DYNC1LI2: variants seen among roughly 807,000 people sequenced by gnomAD.
DYNC1LI2 encodes dynein cytoplasmic 1 light intermediate chain 2, also known as cytoplasmic dynein 1 light intermediate chain 2.
DYNC1LI2 carries 19 observed loss-of-function variants against 57.8 expected under a neutral mutation model. The observed-to-expected ratio is 0.33, with a 90% confidence interval of 0.23 to 0.48. The LOEUF (loss-of-function observed/expected upper bound fraction) is 0.48. Among genes scored for constraint, DYNC1LI2 ranks in the 20% least tolerant of loss-of-function variants. DYNC1LI2 has a pLI of 0.99. For missense variants in DYNC1LI2, 470 were observed against 604.2 expected (o/e 0.78, Z 2.33); for synonymous variants, 256 against 233.4 (o/e 1.10, Z -0.88).
chr16:66,734,219 C>G lies in DYNC1LI2; in HGVS notation c.792G>C (p.Gln264His). 6.2e-7 allele frequency: 1 copy of G among 1,614,088 alleles called. No homozygotes were observed. Among genetic ancestry groups the G allele is most frequent in the Non-Finnish European group, 8.5e-7 (1 of 1,180,012 alleles). The change falls in exon 6 of 13, where the codon CAG (glutamine) becomes CAC (histidine). Residue 264 changes from glutamine to histidine, a missense_variant and splice_region_variant. By Grantham distance (24) the Gln-to-His change is conservative. Transcript: ENST00000258198. ...CCCCACACAGCGCCCAAAGGATACA[C>G]TGAAGGCAGAACCTCCGCAGGTGTG... ...IQSHLRRFCL[Q>H]YGAALIYTSV...
intron 3 of DYNC1LI2, among the ~76,000 whole-genome samples, chr16:66,748,486 A>G (rs2017980733): frequency 1.3e-5 from 2 of 152,154 alleles, no homozygotes; most frequent in Non-Finnish European, 2.9e-5. Flanking sequence ...CTCACGTTTT[A>G]AAGATGAGGA....
intron 4 of DYNC1LI2, 25 bp from the exon 5 acceptor site, chr16:66,736,269 T>G (rs1465889069): frequency 6.2e-7 from 1 of 1,606,024 alleles, no homozygotes; most frequent in East Asian, 2.2e-5. Flanking sequence ...GGAAAAAAAA[T>G]CACATGCACA....
At position 66,723,381 on chromosome 16, in the gene DYNC1LI2, A is replaced by T. The variant is rs2017481614; in HGVS notation, c.*341T>A. ...GGTCAGACTAACCATCATCTTACCAATGATTTCTTGGTCTCATTTGCTCCA... is the reference window on the plus strand; with the variant it reads ...GGTCAGACTAACCATCATCTTACCATTGATTTCTTGGTCTCATTTGCTCCA... On this transcript the variant is annotated 3_prime_UTR_variant, in exon 13 of 13. Transcript: ENST00000258198. 2.1e-6 allele frequency: 1 copy of T among 475,818 alleles called. No individual in the cohort carries two copies. The highest frequency in any genetic ancestry group is 2.3e-5 in the Admixed American group (1 of 43,114). The allele number at this position is 475,818 out of a possible 1,614,324, so 29.5% of individuals were successfully genotyped here.
intron 4 of DYNC1LI2, chr16:66,739,017 G>A (rs1297009533): frequency 6.6e-6 from 1 of 152,136 alleles, no homozygotes; most frequent in Non-Finnish European, 1.5e-5. Flanking sequence ...ACTCCTCCAT[G>A]TGGTTGTTGA....
At position 66,721,395 on chromosome 16, in the gene DYNC1LI2, T is replaced by A. The variant is rs2017449474; in HGVS notation, c.*2327A>T. 6.6e-6 allele frequency: 1 copy of A among 152,608 alleles called. No homozygotes were observed. Among genetic ancestry groups the A allele is most frequent in the Admixed American group, 6.5e-5 (1 of 15,268 alleles). The allele number at this position is 152,608 out of a possible 1,614,324, so 9.5% of individuals were successfully genotyped here. The stretch of plus-strand genomic sequence containing the variant: ...CCATTATAATGTGCATAAATAGTCA[T>A]AAAATTGTCTTTAACAGTCTACCAT... On this transcript the variant is annotated 3_prime_UTR_variant, in exon 13 of 13. Coordinates refer to ENST00000258198, the MANE Select transcript of DYNC1LI2 (RefSeq NM_006141.3).
intron 3 of DYNC1LI2, among the ~76,000 whole-genome samples, chr16:66,747,168 T>A (rs1156229338): frequency 6.6e-6 from 1 of 151,026 alleles, no homozygotes; most frequent in Non-Finnish European, 1.5e-5. Flanking sequence ...AACCTCTGCC[T>A]CCCAGGTTGA....
At chr16:66,732,639 C>T in intron 6 of DYNC1LI2, 165 bp from the exon 7 acceptor site, 1 of 528,562 alleles carries the variant, frequency 1.9e-6, no homozygotes. Flanking sequence ...ATTACATAGG[C>T]ATACTGCACA....
intron 7 of DYNC1LI2, 84 bp downstream of exon 7, chr16:66,732,255 G>T: frequency 6.6e-7 from 1 of 1,513,216 alleles, no homozygotes. Flanking sequence ...CAGACAGAAG[G>T]CACCTTCCTT....
chr16:66,730,336 G>GT, intron 7 of DYNC1LI2, 113 bp from the exon 8 acceptor site: 1 of 839,778 alleles, frequency 1.2e-6, no homozygotes, highest in South Asian at 1.8e-5. Context: ...ATAGTGTGTA[G>GT]TTGTTGGGGG....
rs1462852022 is a variant in DYNC1LI2 at position 66,730,231 on chromosome 16, CAA to C, written c.930-10_930-9del. ...TTGTCCCAGCCTGCAGGTCTAAAGG[CAA>C]AGAGAGAGGGACTGAATTGCTTTTC... On this transcript the variant is annotated splice_polypyrimidine_tract_variant and intron_variant, in intron 7 of 12. Coordinates refer to ENST00000258198, the MANE Select transcript of DYNC1LI2 (RefSeq NM_006141.3). 3 of 1,610,204 alleles carry C rather than the reference CAA, an allele frequency of 1.9e-6. No individual in the cohort carries two copies. The highest frequency in any genetic ancestry group is 2.5e-6 in the Non-Finnish European group (3 of 1,178,218).
At chr16:66,748,774 C>A (rs2017986126) in intron 3 of DYNC1LI2, among the ~76,000 whole-genome samples, 1 of 152,150 alleles carries the variant, frequency 6.6e-6, no homozygotes, top group Non-Finnish European at 1.5e-5. Flanking sequence ...GGAAACTCTC[C>A]TATTAACATA....
intron 4 of DYNC1LI2, among the ~76,000 whole-genome samples, chr16:66,737,512 G>GAAAAAA (rs2017756685): frequency 1.7e-5 from 1 of 60,084 alleles, no homozygotes; most frequent in Non-Finnish European, 3.5e-5. Flanking sequence ...AAAAAAAAAT[G>GAAAAAA]CTTAATGAAA....
Position 66,722,225 on chromosome 16 carries a change from T to C in DYNC1LI2, c.*1497A>G, listed in dbSNP as rs1174134180. On this transcript the variant is annotated 3_prime_UTR_variant, in exon 13 of 13. Transcript: ENST00000258198. The stretch of plus-strand genomic sequence containing the variant: ...GTTATCCCCAGTACTACATTAGTGG[T>C]CAGTCAAATCTGGTATGTAAAAGTA... 7.9e-5 allele frequency: 12 copies of C among 152,640 alleles called. No individual in the cohort carries two copies. The highest frequency in any genetic ancestry group is 7.9e-4 in the Admixed American group (12 of 15,280). The allele number at this position is 152,640 out of a possible 1,614,324, so 9.5% of individuals were successfully genotyped here.
intron 4 of DYNC1LI2, among the ~76,000 whole-genome samples, chr16:66,739,862 C>G (rs2017805778): frequency 6.6e-6 from 1 of 152,218 alleles, no homozygotes; most frequent in African/African-American, 2.4e-5. Flanking sequence ...TATACACATA[C>G]TGCAGTGTTA....
chr16:66,728,077 G>T, intron 10 of DYNC1LI2, 124 bp downstream of exon 10: 1 of 1,371,148 alleles, frequency 7.3e-7, no homozygotes, highest in Non-Finnish European at 1.0e-6. Flanking sequence ...GGTCTTTAGG[G>T]AAACCAAATT....
In DYNC1LI2 at chr16:66,725,880, G is replaced by C; in HGVS notation, c.1326C>G (p.Gly442=). The part of the protein sequence containing the change: ...FFNSLLSKKT[G]SPGSPGAGGV... ...CACCAGCACCAGGACTTCCAGGAGA[G>C]CCTGTCTTTTTACTCAACAGACTGT... is the stretch of plus-strand genomic sequence containing the variant. The change falls in exon 12 of 13, where the codon GGC becomes GGG. Residue 442 remains glycine (G), a synonymous_variant. Transcript: ENST00000258198. 6.2e-7 allele frequency: 1 copy of C among 1,614,120 alleles called. No homozygotes were observed.
At chr16:66,729,495 A>ACAAAAAGGC (rs1253843090) in intron 8 of DYNC1LI2, among the ~76,000 whole-genome samples, 5 of 152,032 alleles carry the variant, frequency 3.3e-5, no homozygotes, top group African/African-American at 1.2e-4. Flanking sequence ...TTAAAGATCA[A>ACAAAAAGGC]CAAAAAGGCC....
chr16:66,742,157 T>A lies in DYNC1LI2; in HGVS notation c.529+281A>T, dbSNP rs532627251. On this transcript the variant is annotated intron_variant, in intron 4 of 12. Transcript: ENST00000258198. Reference sequence around the variant, plus strand: ...AGAAAAGCACAGAGATCCACAGAACTTAACACATTTTAGGGAGTGAGGGAA... The same window carrying A: ...AGAAAAGCACAGAGATCCACAGAACATAACACATTTTAGGGAGTGAGGGAA... Among the ~76,000 whole-genome samples the A allele has an allele frequency of 5.3e-5, 8 of 152,288 alleles. No homozygotes were observed. The East Asian group carries it at 1.5e-3, about 29-fold the overall frequency.
In DYNC1LI2 at chr16:66,751,598, A is replaced by G; in HGVS notation, c.-7T>C. 1 of 1,570,540 alleles carries G rather than the reference A, an allele frequency of 6.4e-7. No homozygotes were observed. The highest frequency in any genetic ancestry group is 1.8e-5 in the Admixed American group (1 of 55,434). On this transcript the variant is annotated 5_prime_UTR_variant, in exon 1 of 13. Transcript: ENST00000258198. This position sits in a 1 kb window ranked among gnomAD's most constrained non-coding sequence, Gnocchi z 5.2. The stretch of plus-strand genomic sequence containing the variant: ...CCACCCCCACCGGCGCCATCTTGCC[A>G]ACTGCAGCCACAAAGAGGGCCCTCC...
Sources: gnomAD v4.1 joint callset for allele counts (sites outside exome capture counted in the v4.1 genomes callset) on GRCh38, gnomAD v4.1.1 for gene constraint, Gnocchi (gnomAD v3.1) non-coding constraint, MANE v1.5 for transcripts, NCBI Gene and HGNC (gene_info 2026-07-23, HGNC 2026-07-21) for gene names.